The following ASIC2 variants were observed in gnomAD, a reference collection of about 807,000 sequenced individuals.
ASIC2 encodes the protein acid sensing ion channel subunit 2.
Under a neutral mutation model 57.3 loss-of-function variants are expected in ASIC2, and 25 were observed. The observed-to-expected ratio is 0.44, with a 90% CI of 0.32 to 0.61. The LOEUF is 0.61. Ranked by LOEUF, ASIC2 falls within the 20% of genes least tolerant of loss-of-function variation. The pLI is 0.06. For missense variants in ASIC2, 641 were observed against 738.1 expected (o/e 0.87, Z 1.52); for synonymous variants, 319 against 307.5 (o/e 1.04, Z -0.39).
intron 1 of ASIC2, among the ~76,000 whole-genome samples, chr17:34,099,209 A>AAAGG (rs1910701704): frequency 7.9e-6 from 1 of 126,714 alleles, no homozygotes; most frequent in African/African-American, 3.8e-5. Flanking sequence ...AGAAAGAAAG[A>AAAGG]AAGGAAAGAA....
intron 1 of ASIC2, among the ~76,000 whole-genome samples, chr17:33,836,172 C>T (rs980720159): frequency 7.4e-6 from 1 of 134,914 alleles, no homozygotes; most frequent in Non-Finnish European, 1.5e-5. Context: ...GGCTGGAGTG[C>T]AGTGGCCTGA....
intron 1 of ASIC2, among the ~76,000 whole-genome samples, chr17:33,555,491 C>G (rs1915880406): frequency 6.6e-6 from 1 of 151,936 alleles, no homozygotes; most frequent in Non-Finnish European, 1.5e-5. Context: ...GCTTGCTACT[C>G]TAGAAAGACA....
chr17:34,055,296 C>G (rs767770000), intron 1 of ASIC2, among the ~76,000 whole-genome samples: 1 of 152,144 alleles, frequency 6.6e-6, no homozygotes. Context: ...AATAATATAA[C>G]GAACCTTCAT....
chr17:33,673,896 T>TC (rs1196267744), intron 1 of ASIC2, among the ~76,000 whole-genome samples: 3 of 150,528 alleles, frequency 2.0e-5, no homozygotes, highest in Non-Finnish European at 4.4e-5. Flanking sequence ...TGCATCCGTG[T>TC]CTTTTTTTTT....
intron 1 of ASIC2, among the ~76,000 whole-genome samples, chr17:33,488,849 C>T (rs1407395684): frequency 6.6e-6 from 1 of 152,146 alleles, no homozygotes; most frequent in African/African-American, 2.4e-5. Context: ...TAATGACACG[C>T]TCCATCCCCA....
chr17:33,825,377 A>T (rs2141895991), intron 1 of ASIC2, among the ~76,000 whole-genome samples: 1 of 152,238 alleles, frequency 6.6e-6, no homozygotes, highest in East Asian at 1.9e-4. Context: ...TGGATGGAAG[A>T]GGGGAGACAT....
chr17:34,048,738 G>T (rs60641708), intron 1 of ASIC2, among the ~76,000 whole-genome samples: 2,159 of 152,288 alleles, frequency 0.014, 48 homozygotes, highest in East Asian at 0.06. Context: ...GGCATGGCGT[G>T]CTATGTGTGA....
chr17:33,724,641 C>T (rs1909489857), intron 1 of ASIC2, among the ~76,000 whole-genome samples: 1 of 152,148 alleles, frequency 6.6e-6, no homozygotes, highest in Non-Finnish European at 1.5e-5. Context: ...TGGCAGAATG[C>T]AGCAGCCAAT....
At chr17:33,094,487 C>T (rs1382163205) in intron 2 of ASIC2, among the ~76,000 whole-genome samples, 1 of 152,104 alleles carries the variant, frequency 6.6e-6, no homozygotes. Context: ...TGTTAACAGT[C>T]TTTGATTAAT....
intron 1 of ASIC2, among the ~76,000 whole-genome samples, chr17:34,058,511 C>A (rs554710155): frequency 6.6e-6 from 1 of 152,088 alleles, no homozygotes; most frequent in South Asian, 2.1e-4. Flanking sequence ...ATTATTAAAA[C>A]AAATGCTTAG....
chr17:33,268,910 C>T (rs1220799893), intron 1 of ASIC2, among the ~76,000 whole-genome samples: 2 of 152,186 alleles, frequency 1.3e-5, no homozygotes, highest in African/African-American at 4.8e-5. Context: ...CCAGCCCACA[C>T]TTCCTAACGC....
chr17:33,859,533 T>G (rs16968973), intron 1 of ASIC2, among the ~76,000 whole-genome samples: 2 of 152,152 alleles, frequency 1.3e-5, no homozygotes, highest in Non-Finnish European at 1.5e-5. Context: ...ACAGAACTTA[T>G]GTGTAGAGTG....
chr17:33,190,410 G>T (rs1376129152), intron 1 of ASIC2, among the ~76,000 whole-genome samples: 2 of 152,098 alleles, frequency 1.3e-5, no homozygotes, highest in African/African-American at 4.8e-5. Context: ...TAAATACAGA[G>T]AAATGCCATG....
intron 1 of ASIC2, among the ~76,000 whole-genome samples, chr17:34,135,453 A>G (rs1005309099): frequency 9.2e-5 from 14 of 152,168 alleles, no homozygotes; most frequent in African/African-American, 1.7e-4. Context: ...GTAGTTTTCA[A>G]TCTTGGCTGG....
intron 1 of ASIC2, among the ~76,000 whole-genome samples, chr17:33,502,861 C>T (rs1271527680): frequency 6.6e-6 from 1 of 152,188 alleles, no homozygotes; most frequent in East Asian, 1.9e-4. Context: ...TTCCACACAT[C>T]ACTGTTCCTT....
chr17:34,003,953 A>G, intron 1 of ASIC2: 1 of 152,182 alleles, frequency 6.6e-6, no homozygotes, highest in East Asian at 1.9e-4. Context: ...AAGCATCTTA[A>G]AACAGCCAGC....
chr17:34,096,545 T>C (rs867121785), intron 1 of ASIC2, among the ~76,000 whole-genome samples: 1 of 152,044 alleles, frequency 6.6e-6, no homozygotes, highest in South Asian at 2.1e-4. Context: ...CCATTGATCA[T>C]AGTGCAGAGA....
chr17:34,079,502 T>C (rs1025903914), intron 1 of ASIC2, among the ~76,000 whole-genome samples: 10 of 152,216 alleles, frequency 6.6e-5, no homozygotes, highest in African/African-American at 2.4e-4. Flanking sequence ...TGTTGCTCCA[T>C]TGGAACTTCT....
intron 1 of ASIC2, among the ~76,000 whole-genome samples, chr17:33,155,653 G>T (rs559579901): frequency 6.8e-6 from 1 of 147,066 alleles, no homozygotes; most frequent in East Asian, 2.0e-4. Flanking sequence ...TCAGCCTCCC[G>T]GGTTCAAGCA....
Sources: allele counts gnomAD v4.1 joint callset (sites outside exome capture counted in the v4.1 genomes callset), GRCh38; gene constraint gnomAD v4.1.1; transcripts MANE v1.5; gene names NCBI Gene and HGNC (gene_info 2026-07-23, HGNC 2026-07-21).